Variants in ZEB2 observed in about 807,000 individuals in gnomAD.
ZEB2 encodes zinc finger E-box binding homeobox 2.
In ZEB2, 6 loss-of-function variants were observed where a neutral mutation model predicts 99.9. That is an observed-to-expected ratio of 0.06 (90% CI 0.03 to 0.12). The LOEUF is 0.12. Among genes scored for constraint, ZEB2 ranks in the 10% least tolerant of loss-of-function variants. The pLI, the probability that ZEB2 is intolerant of heterozygous loss-of-function variation, is 1.00. For missense variants in ZEB2, 969 were observed against 1,502.8 expected (o/e 0.64, Z 5.87); for synonymous variants, 517 against 542.5 (o/e 0.95, Z 0.65).
intron 1 of ZEB2, chr2:144,517,632 C>T (rs1268300131): frequency 1.9e-5 from 13 of 671,890 alleles, no homozygotes; most frequent in Non-Finnish European, 3.0e-5. Flanking sequence ...GTTGCACCCG[C>T]GAGGGGATCA....
At chr2:144,477,468 A>C (rs1301488259) in intron 2 of ZEB2, among the ~76,000 whole-genome samples, 1 of 152,204 alleles carries the variant, frequency 6.6e-6, no homozygotes, top group Non-Finnish European at 1.5e-5. Context: ...CTCCAACAGC[A>C]CATCATAAAA....
intron 2 of ZEB2, among the ~76,000 whole-genome samples, chr2:144,453,819 G>T (rs548683144): frequency 5.3e-5 from 8 of 152,262 alleles, no homozygotes; most frequent in South Asian, 2.1e-4. Flanking sequence ...TATTTTCAAA[G>T]AACTATTCTT....
chr2:144,423,081 ATT>A (rs1337732683), intron 4 of ZEB2, among the ~76,000 whole-genome samples: 1 of 152,198 alleles, frequency 6.6e-6, no homozygotes, highest in Non-Finnish European at 1.5e-5. Context: ...TACAGCAGGT[ATT>A]ATGAGAAAAA....
chr2:144,403,762 C>T (rs540270841), intron 6 of ZEB2, among the ~76,000 whole-genome samples, 154 bp downstream of exon 6: 10 of 152,198 alleles, frequency 6.6e-5, no homozygotes, highest in African/African-American at 2.4e-4. Context: ...AAGAGACCAT[C>T]AAAAAATCAT....
Position 144,513,034 on chromosome 2 carries a change from T to A in ZEB2, c.73+4244A>T, listed in dbSNP as rs1016593233. ...GGACTGACAGTGATCCGAAGGAAAC[T>A]TCCTTGTCTAAGTGTGTATGACTCT... On this transcript the variant is annotated intron_variant, in intron 2 of 9. Transcript: ENST00000627532. 6 of 1,287,116 alleles carry A rather than the reference T, an allele frequency of 4.7e-6. No individual in the cohort carries two copies. The African/African-American group carries it at 7.6e-5, about 16-fold the overall frequency. 79.7% of individuals were successfully genotyped at this position (1,287,116 alleles called of 1,614,324 possible).
intron 2 of ZEB2, among the ~76,000 whole-genome samples, chr2:144,465,377 A>C (rs1704257088): frequency 6.6e-6 from 1 of 152,166 alleles, no homozygotes; most frequent in African/African-American, 2.4e-5. Context: ...TGTGTTTATG[A>C]AGACACTGGA....
chr2:144,416,300 T>G (rs1176281023), intron 4 of ZEB2, among the ~76,000 whole-genome samples: 1 of 152,202 alleles, frequency 6.6e-6, no homozygotes, highest in African/African-American at 2.4e-5. Flanking sequence ...ATTCTTACCC[T>G]GCTGAACTAC....
chr2:144,411,610 G>A (rs3770305), intron 4 of ZEB2, among the ~76,000 whole-genome samples: 30,879 of 152,170 alleles, frequency 0.2, 3,202 homozygotes, highest in South Asian at 0.29. Flanking sequence ...AGAGCCTCCA[G>A]CTGGTACAGA....
intron 2 of ZEB2, among the ~76,000 whole-genome samples, chr2:144,477,190 GA>G (rs1704442188): frequency 6.6e-6 from 1 of 152,144 alleles, no homozygotes; most frequent in African/African-American, 2.4e-5. Context: ...TTGTGAGGCT[GA>G]AAAGTGCATG....
intron 2 of ZEB2, chr2:144,449,706 G>A (rs953014074): frequency 9.2e-5 from 14 of 152,210 alleles, no homozygotes; most frequent in African/African-American, 2.9e-4. Flanking sequence ...GACCATTGTT[G>A]GGACTGTCTT....
In ZEB2 at chr2:144,441,653, T is replaced by A. The variant is rs1316567741; in HGVS notation, c.74-11627A>T. Among the ~76,000 whole-genome samples the A allele has an allele frequency of 4.6e-5, 7 of 152,274 alleles. No homozygotes were observed. The East Asian group carries it at 1.4e-3, about 29-fold the overall frequency. On this transcript the variant is annotated intron_variant, in intron 2 of 9. Coordinates refer to ENST00000627532, the MANE Select transcript of ZEB2 (RefSeq NM_014795.4). ...TAAACAAATGTACTTACAATTTTTT[T>A]ACTCCCTAATTCTTTGGGAAATAAT...
At position 144,399,622 on chromosome 2, in the gene ZEB2, G is replaced by C. The variant is rs730881193; in HGVS notation, c.1565C>G (p.Thr522Ser). ...CAACGTATAGTCAATAATACTTTTA[G>C]TGGCACCATTATGACTCACTACCGG... is the stretch of plus-strand genomic sequence containing the variant. ...GLPVVSHNGATKSIIDYTLEK... is the reference protein window; with the variant it reads ...GLPVVSHNGASKSIIDYTLEK... Residue 522 changes from threonine (T) to serine (S), a missense_variant, in exon 8 of 10, where the codon ACT becomes AGT. Physicochemically the swap from Thr to Ser is moderately conservative, Grantham distance 58. Coordinates refer to ENST00000627532, the MANE Select transcript of ZEB2 (RefSeq NM_014795.4). This position sits in a 1 kb window ranked among gnomAD's most constrained non-coding sequence, Gnocchi z 5.6. 17 of 1,614,042 alleles carry C rather than the reference G, an allele frequency of 1.1e-5. No individual in the cohort carries two copies. Among genetic ancestry groups the C allele is most frequent in the Non-Finnish European group, 1.4e-5 (16 of 1,180,044 alleles).
intron 2 of ZEB2, among the ~76,000 whole-genome samples, chr2:144,489,101 G>T (rs749038620): frequency 6.6e-6 from 1 of 152,094 alleles, no homozygotes; most frequent in Non-Finnish European, 1.5e-5. Flanking sequence ...CAGATCTCTA[G>T]AATTTACACG....
chr2:144,390,501 G>C, intron 9 of ZEB2: 1 of 234,556 alleles, frequency 4.3e-6, no homozygotes, highest in South Asian at 5.1e-5. Flanking sequence ...TGCTTTGAAA[G>C]GGGATCTTAG....
At chr2:144,461,251 T>C (rs911585255) in intron 2 of ZEB2, 18 of 152,006 alleles carry the variant, frequency 1.2e-4, no homozygotes, top group African/African-American at 4.3e-4. Context: ...TCCCGGAGTA[T>C]AAAAGCATTA....
At chr2:144,517,941 C>G in intron 1 of ZEB2, 1 of 403,712 alleles carries the variant, frequency 2.5e-6, no homozygotes, top group Non-Finnish European at 4.6e-6. Context: ...GCCCACTCGC[C>G]CAGCGCCCCC....
rs375456922 is a variant in ZEB2 at position 144,391,099 on chromosome 2, G to A, written c.3068-1071C>T. On this transcript the variant is annotated intron_variant, in intron 9 of 9. Coordinates refer to ENST00000627532, the MANE Select transcript of ZEB2 (RefSeq NM_014795.4). ...ACAAAGTAGATCCAATCCCATTTTCGTTTGCTAAGTGTCATGTTATAAGTT... is the reference window on the plus strand; with the variant it reads ...ACAAAGTAGATCCAATCCCATTTTCATTTGCTAAGTGTCATGTTATAAGTT... Among the ~76,000 whole-genome samples, 12 of 152,220 alleles carry A rather than the reference G, an allele frequency of 7.9e-5. No homozygotes were observed. In the South Asian group the frequency reaches 1.0e-3, roughly 13 times the overall value.
intron 2 of ZEB2, among the ~76,000 whole-genome samples, chr2:144,452,593 C>T (rs756207226): frequency 9.2e-5 from 14 of 152,158 alleles, no homozygotes; most frequent in African/African-American, 2.2e-4. Flanking sequence ...AGCTCTGCTC[C>T]GGCGGTAATG....
intron 4 of ZEB2, among the ~76,000 whole-genome samples, chr2:144,414,476 A>C (rs1703509192): frequency 6.6e-6 from 1 of 152,090 alleles, no homozygotes. Flanking sequence ...ATCGTGAGGC[A>C]GGGCCCCCGA....
Sources: allele counts gnomAD v4.1 joint callset (sites outside exome capture counted in the v4.1 genomes callset), GRCh38; gene constraint gnomAD v4.1.1; non-coding constraint Gnocchi (gnomAD v3.1); transcripts MANE v1.5; gene names NCBI Gene and HGNC (gene_info 2026-07-23, HGNC 2026-07-21).